CEP128: variants seen among roughly 807,000 people sequenced by gnomAD.
The protein encoded by CEP128 is centrosomal protein 128, also known as centrosomal protein 128kDa.
CEP128 carries 132 observed loss-of-function variants against 156.7 expected under a neutral mutation model. That is an observed-to-expected ratio of 0.84 (90% CI 0.73 to 0.97). CEP128 has a LOEUF of 0.97. Ranked by LOEUF, CEP128 falls within the 50% of genes least tolerant of loss-of-function variation. CEP128 has a pLI of 0.00. For missense variants in CEP128, 1,252 were observed against 1,281.9 expected (o/e 0.98, Z 0.36); for synonymous variants, 469 against 448.9 (o/e 1.04, Z -0.57).
intron 19 of CEP128, among the ~76,000 whole-genome samples, chr14:80,663,431 T>G (rs1474640529): frequency 6.6e-6 from 1 of 152,170 alleles, no homozygotes; most frequent in Non-Finnish European, 1.5e-5. Flanking sequence ...GAATAAAATT[T>G]TGATTTCAGT....
chr14:80,479,726 A>G (rs1040467545), intron 14 of CEP128, among the ~76,000 whole-genome samples: 1 of 152,182 alleles, frequency 6.6e-6, no homozygotes, highest in Non-Finnish European at 1.5e-5. Flanking sequence ...CTTTCCCAAC[A>G]GTCCCTGAAA....
chr14:80,712,328 T>C (rs1356149008), intron 19 of CEP128, among the ~76,000 whole-genome samples: 1 of 152,184 alleles, frequency 6.6e-6, no homozygotes, highest in Non-Finnish European at 1.5e-5. Context: ...AGGGTACAAC[T>C]GACAACCTGT....
At chr14:80,706,974 G>A (rs28718333) in intron 19 of CEP128, among the ~76,000 whole-genome samples, 9,975 of 151,796 alleles carry the variant, frequency 0.066, 1,087 homozygotes, top group African/African-American at 0.23. Flanking sequence ...CATCCATTTG[G>A]TACTTTTGCA....
chr14:80,567,339 G>A (rs1368132576), intron 20 of CEP128, among the ~76,000 whole-genome samples: 1 of 152,114 alleles, frequency 6.6e-6, no homozygotes, highest in Non-Finnish European at 1.5e-5. Flanking sequence ...TACAAGTGGG[G>A]AAAACAAAGA....
intron 21 of CEP128, among the ~76,000 whole-genome samples, chr14:80,552,580 T>C (rs1007484774): frequency 6.6e-6 from 1 of 152,174 alleles, no homozygotes; most frequent in Admixed American, 6.5e-5. Flanking sequence ...AAATATGTCA[T>C]TGATACAAAA....
chr14:80,624,452 T>C (rs1273935069), intron 19 of CEP128, among the ~76,000 whole-genome samples: 1 of 152,160 alleles, frequency 6.6e-6, no homozygotes, highest in Admixed American at 6.5e-5. Flanking sequence ...AGTAGTGGGA[T>C]TGCTTGATTG....
At chr14:80,750,443 G>A (rs1422320644) in intron 18 of CEP128, among the ~76,000 whole-genome samples, 6 of 151,694 alleles carry the variant, frequency 4.0e-5, no homozygotes, top group Non-Finnish European at 8.8e-5. Context: ...ATAAAACTTC[G>A]ATATTGTCTT....
intron 2 of CEP128, among the ~76,000 whole-genome samples, chr14:80,932,183 C>T (rs115566253): frequency 0.016 from 2,420 of 152,318 alleles, 87 homozygotes; most frequent in African/African-American, 0.055. Context: ...CTGAGGCCTC[C>T]GCAGCCATGC....
intron 19 of CEP128, among the ~76,000 whole-genome samples, chr14:80,714,766 C>G (rs1487530498): frequency 6.6e-6 from 1 of 151,768 alleles, no homozygotes; most frequent in Non-Finnish European, 1.5e-5. Flanking sequence ...AAAACCACAT[C>G]CTAAAAGCAG....
intron 19 of CEP128, among the ~76,000 whole-genome samples, chr14:80,720,179 G>C (rs1897762096): frequency 6.6e-6 from 1 of 152,064 alleles, no homozygotes; most frequent in South Asian, 2.1e-4. Context: ...CAGCATATAA[G>C]AGAAACAAAA....
intron 19 of CEP128, among the ~76,000 whole-genome samples, chr14:80,708,086 C>T (rs1897284138): frequency 6.6e-6 from 1 of 152,128 alleles, no homozygotes; most frequent in African/African-American, 2.4e-5. Flanking sequence ...CATACTACTA[C>T]ATATTCTGGA....
intron 9 of CEP128, among the ~76,000 whole-genome samples, chr14:80,855,809 G>A (rs974626292): frequency 1.3e-5 from 2 of 152,088 alleles, no homozygotes; most frequent in African/African-American, 2.4e-5. Context: ...TGTGATACTC[G>A]AAATATCACA....
intron 19 of CEP128, among the ~76,000 whole-genome samples, chr14:80,674,194 T>G (rs1489907997): frequency 6.6e-6 from 1 of 152,032 alleles, no homozygotes; most frequent in Non-Finnish European, 1.5e-5. Flanking sequence ...TTATGTGATC[T>G]CTGAACCCAA....
At chr14:80,714,235 A>T (rs1897518307) in intron 19 of CEP128, among the ~76,000 whole-genome samples, 1 of 152,150 alleles carries the variant, frequency 6.6e-6, no homozygotes, top group Non-Finnish European at 1.5e-5. Context: ...CCAGTTGTGC[A>T]TACACTTGGA....
chr14:80,837,243 T>A (rs1886123907), intron 11 of CEP128, among the ~76,000 whole-genome samples: 1 of 152,198 alleles, frequency 6.6e-6, no homozygotes, highest in South Asian at 2.1e-4. Flanking sequence ...TTATATAACA[T>A]ACACTTCAAA....
At chr14:80,886,814 A>G (rs1335457676) in intron 8 of CEP128, among the ~76,000 whole-genome samples, 1 of 152,226 alleles carries the variant, frequency 6.6e-6, no homozygotes, top group Non-Finnish European at 1.5e-5. Flanking sequence ...TAAATGCCCC[A>G]ATTAAAAGAC....
chr14:80,853,991 G>A (rs1811820518), intron 9 of CEP128, among the ~76,000 whole-genome samples: 1 of 151,790 alleles, frequency 6.6e-6, no homozygotes, highest in Non-Finnish European at 1.5e-5. Flanking sequence ...ATCCCCGGGG[G>A]GAAAGAGAGA....
intron 19 of CEP128, among the ~76,000 whole-genome samples, chr14:80,683,004 C>T (rs117374843): frequency 3.0e-4 from 45 of 152,130 alleles, no homozygotes; most frequent in East Asian, 7.7e-4. Flanking sequence ...CAAACACACA[C>T]GTACACACAC....
Position 80,840,682 on chromosome 14 carries a change from T to C in CEP128, c.849A>G (p.Gln283=). 1.3e-6 allele frequency: 2 copies of C among 1,586,166 alleles called. No individual in the cohort carries two copies. Among genetic ancestry groups the C allele is most frequent in the Non-Finnish European group, 1.7e-6 (2 of 1,156,072 alleles). ...TGAAAGATAACTTTTAAAATCTTACTTGATTCTTCTCAGTTTCAGTTTGTC... is the reference window on the plus strand; with the variant it reads ...TGAAAGATAACTTTTAAAATCTTACCTGATTCTTCTCAGTTTCAGTTTGTC... ...KLRQTETEKN[Q]LEQELELSRR... The change falls in exon 10 of 25, where the codon CAA becomes CAG. Residue 283 remains glutamine (Q), a splice_region_variant and synonymous_variant. Coordinates refer to ENST00000555265, the MANE Select transcript of CEP128 (RefSeq NM_152446.5).
Sources: allele counts gnomAD v4.1 joint callset (sites outside exome capture counted in the v4.1 genomes callset), GRCh38; gene constraint gnomAD v4.1.1; transcripts MANE v1.5; gene names NCBI Gene and HGNC (gene_info 2026-07-23, HGNC 2026-07-21).